Variants in TAMM41 observed in about 807,000 individuals in gnomAD.
TAMM41 encodes the protein TAM41 mitochondrial translocator assembly and maintenance homolog, also known as phosphatidate cytidylyltransferase, mitochondrial.
In TAMM41, 36 loss-of-function variants were observed where a neutral mutation model predicts 44.1. The ratio of observed to expected loss-of-function variants is 0.82; its 90% CI spans 0.63 to 1.08. The LOEUF is 1.08. Ranked by LOEUF, TAMM41 falls within the 50% of genes least tolerant of loss-of-function variation. The probability of loss-of-function intolerance (pLI) is 0.00; values close to 1 mark genes in which losing one functional copy is unlikely to be tolerated. For missense variants in TAMM41, 417 were observed against 404.3 expected (o/e 1.03, Z -0.27); for synonymous variants, 164 against 153.1 (o/e 1.07, Z -0.53).
rs1575632280 is a variant in TAMM41, at chr3:11,809,515, A to G, written c.874+2T>C. 1 of 1,613,406 alleles carries G rather than the reference A, an allele frequency of 6.2e-7. No individual in the cohort carries two copies. The highest frequency in any genetic ancestry group is 1.1e-5 in the South Asian group (1 of 90,718). ...TCCTCAACATCAAATTCATAAACGT[A>G]CCTAGTCGCACCACATCTCCACAGT... On this transcript the variant is annotated splice_donor_variant, in intron 6 of 7. Transcript: ENST00000455809. LOFTEE classifies it high-confidence loss of function.
the TAMM41 span, among the ~76,000 whole-genome samples, chr3:11,732,947 A>G: frequency 1.3e-5 from 2 of 151,170 alleles, no homozygotes; most frequent in Non-Finnish European, 2.9e-5. Flanking sequence ...TGCCAAGGGA[A>G]GCCACTTGAG....
the TAMM41 span, among the ~76,000 whole-genome samples, chr3:11,742,855 CA>C: frequency 6.6e-6 from 1 of 152,078 alleles, no homozygotes; most frequent in South Asian, 2.1e-4. Context: ...CTTGGCCTCC[CA>C]AAGTGCTGGG....
the TAMM41 span, among the ~76,000 whole-genome samples, chr3:11,746,252 C>T: frequency 0.015 from 2,181 of 146,426 alleles, 25 homozygotes; most frequent in Non-Finnish European, 0.021. Context: ...TGCAGTGAGC[C>T]GAGATCGCAC....
At chr3:11,831,402 G>C (rs190855796) in intron 3 of TAMM41, among the ~76,000 whole-genome samples, 1 of 152,284 alleles carries the variant, frequency 6.6e-6, no homozygotes, top group Admixed American at 6.5e-5. Context: ...CTCGTACCAT[G>C]ATCTTTTAAA....
intron 7 of TAMM41, chr3:11,807,368 G>C: frequency 6.7e-7 from 1 of 1,495,834 alleles, no homozygotes; most frequent in Non-Finnish European, 8.8e-7. Context: ...GAAGTCAATA[G>C]ATGATACCTA....
chr3:11,748,439 G>C, the TAMM41 span, among the ~76,000 whole-genome samples: 9 of 147,428 alleles, frequency 6.1e-5, no homozygotes, highest in Non-Finnish European at 1.4e-4. Flanking sequence ...CTGCCACCAC[G>C]TCTGGCTTTT....
In TAMM41 at chr3:11,809,693, G is replaced by C. The variant is rs551965227; in HGVS notation, c.709-11C>G. 5.7e-6 allele frequency: 9 copies of C among 1,583,522 alleles called. No homozygotes were observed. The East Asian group carries it at 1.8e-4, about 32-fold the overall frequency. On this transcript the variant is annotated splice_polypyrimidine_tract_variant and intron_variant, in intron 5 of 7. Transcript: ENST00000455809. ...TGGGCTTTTATCTATCTGAAGGGAG[G>C]AAAAAAAAGACGACGTCTATGGAAG...
the TAMM41 span, among the ~76,000 whole-genome samples, chr3:11,777,416 C>T: frequency 5.3e-5 from 8 of 152,246 alleles, no homozygotes; most frequent in Non-Finnish European, 8.8e-5. Flanking sequence ...ATGTTTTAAC[C>T]AACCAAGAAG....
intron 7 of TAMM41, among the ~76,000 whole-genome samples, chr3:11,799,060 AAAAC>A (rs1464450039): frequency 6.6e-6 from 1 of 152,114 alleles, no homozygotes; most frequent in Admixed American, 6.6e-5. Flanking sequence ...ACAAAAAACA[AAAAC>A]AAAACAAAAA....
chr3:11,808,433 A>AC (rs199519439), intron 6 of TAMM41: 358,661 of 987,472 alleles, frequency 0.36, 68,044 homozygotes, highest in Admixed American at 0.43. Context: ...GGAGCTGGTG[A>AC]CCTAAACACA....
the TAMM41 span, among the ~76,000 whole-genome samples, chr3:11,740,617 T>C: frequency 5.6e-4 from 85 of 152,038 alleles, no homozygotes; most frequent in Non-Finnish European, 7.8e-4. Context: ...AGTTTTGCTC[T>C]TGTTGCCCAG....
intron 4 of TAMM41, among the ~76,000 whole-genome samples, chr3:11,828,961 G>A (rs1013087666): frequency 1.3e-5 from 2 of 152,140 alleles, no homozygotes; most frequent in South Asian, 2.1e-4. Flanking sequence ...TTTAAAAAGC[G>A]GCAGAGCACT....
At chr3:11,724,392 C>T in the TAMM41 span, among the ~76,000 whole-genome samples, 41 of 149,166 alleles carry the variant, frequency 2.7e-4, no homozygotes, top group African/African-American at 9.1e-4. Context: ...CATGAGCCAC[C>T]GCACCTGGCC....
At chr3:11,743,080 A>G in the TAMM41 span, among the ~76,000 whole-genome samples, 1 of 152,186 alleles carries the variant, frequency 6.6e-6, no homozygotes, top group African/African-American at 2.4e-5. Flanking sequence ...GTGAGGAAGC[A>G]GGCACTCCAA....
intron 4 of TAMM41, among the ~76,000 whole-genome samples, chr3:11,827,299 CTTTT>C (rs1051502914): frequency 3.6e-4 from 43 of 120,872 alleles, no homozygotes; most frequent in East Asian, 6.2e-4. Context: ...TTCTTTCTTT[CTTTT>C]CTTTTCTTTT....
intron 7 of TAMM41, among the ~76,000 whole-genome samples, chr3:11,805,923 G>A (rs558800526): frequency 6.6e-6 from 1 of 152,336 alleles, no homozygotes; most frequent in Non-Finnish European, 1.5e-5. Flanking sequence ...GACCTGGTGG[G>A]AGGTAATTGA....
At chr3:11,782,601 G>A in the TAMM41 span, among the ~76,000 whole-genome samples, 1,382 of 152,050 alleles carry the variant, frequency 9.1e-3, 12 homozygotes, top group Non-Finnish European at 0.014. Context: ...GTAGGAGTAG[G>A]ATAAGGATTA....
intron 7 of TAMM41, among the ~76,000 whole-genome samples, chr3:11,795,195 T>C (rs1279131179): frequency 6.6e-6 from 1 of 152,208 alleles, no homozygotes; most frequent in Admixed American, 6.5e-5. Context: ...TTGAATCTTT[T>C]GAAGCTAGAG....
At chr3:11,838,922 C>T (rs140698400) in intron 3 of TAMM41, among the ~76,000 whole-genome samples, 13 of 152,066 alleles carry the variant, frequency 8.5e-5, no homozygotes, top group African/African-American at 3.1e-4. Context: ...AACTCAGGTA[C>T]GACTGAAAGG....
Sources: gnomAD v4.1 joint callset for allele counts (sites outside exome capture counted in the v4.1 genomes callset) on GRCh38, gnomAD v4.1.1 for gene constraint, MANE v1.5 for transcripts, NCBI Gene and HGNC (gene_info 2026-07-23, HGNC 2026-07-21) for gene names.